Variants in HEATR5B observed in about 807,000 individuals in gnomAD.
HEATR5B encodes HEAT repeat containing 5B.
A neutral mutation model predicts 224.1 loss-of-function variants in HEATR5B; 156 were observed. The ratio of observed to expected loss-of-function variants is 0.70; its 90% confidence interval spans 0.61 to 0.80. The LOEUF is 0.80. HEATR5B is among the 30% of genes least tolerant of loss of function. The pLI is 0.00. For synonymous variants in HEATR5B, 1,027 were observed against 893.0 expected (o/e 1.15, Z -2.68); for missense variants, 2,323 against 2,535.5 (o/e 0.92, Z 1.80).
chr2:36,985,494 G>T, intron 35 of HEATR5B, among the ~76,000 whole-genome samples: 1 of 133,380 alleles, frequency 7.5e-6, no homozygotes, highest in African/African-American at 2.8e-5. Context: ...GTCTCACTCT[G>T]TTGCCCAGGC....
At chr2:36,999,570 T>A (rs1169915250) in intron 33 of HEATR5B, among the ~76,000 whole-genome samples, 1 of 151,792 alleles carries the variant, frequency 6.6e-6, no homozygotes, top group East Asian at 1.9e-4. Flanking sequence ...TCCCAGCTAC[T>A]TGGGAGGCTG....
chr2:37,072,597 T>C (rs1464828897), intron 5 of HEATR5B, among the ~76,000 whole-genome samples: 1 of 151,906 alleles, frequency 6.6e-6, no homozygotes, highest in African/African-American at 2.4e-5. Context: ...CTTAAAAAAC[T>C]AGATGAAGGA....
intron 26 of HEATR5B, among the ~76,000 whole-genome samples, chr2:37,014,758 C>G (rs1249801162): frequency 1.3e-5 from 2 of 150,788 alleles, no homozygotes; most frequent in Non-Finnish European, 2.9e-5. Flanking sequence ...GCAGGCGGAT[C>G]ACGAGGTCAG....
At position 37,079,345 on chromosome 2, in the gene HEATR5B, A is replaced by G; in HGVS notation, c.127-14T>C. ...CTTTACATCGGTCTGTTACAAAAAA[A>G]ATTTTTAAAAGAACATCATTAAAAA... On this transcript the variant is annotated splice_polypyrimidine_tract_variant and intron_variant, in intron 2 of 35. Transcript: ENST00000233099. 1 of 1,516,352 alleles carries G rather than the reference A, an allele frequency of 6.6e-7. No homozygotes were observed. Among genetic ancestry groups the G allele is most frequent in the Non-Finnish European group, 8.9e-7 (1 of 1,121,918 alleles). 93.9% of individuals were successfully genotyped at this position (1,516,352 alleles called of 1,614,324 possible).
chr2:37,060,505 T>C, intron 12 of HEATR5B, 76 bp downstream of exon 12: 5 of 1,263,206 alleles, frequency 4.0e-6, no homozygotes, highest in Non-Finnish European at 5.4e-6. Context: ...AACTATAAAA[T>C]AGTGATTTTT....
Position 36,988,662 on chromosome 2 carries a change from A to C in HEATR5B, c.5895T>G (p.Leu1965=). 6.2e-7 allele frequency: 1 copy of C among 1,613,592 alleles called. No individual in the cohort carries two copies. The highest frequency in any genetic ancestry group is 8.5e-7 in the Non-Finnish European group (1 of 1,179,574). The part of the protein sequence containing the change: ...GIKVLETLVA[L]GEEQNRVQLL... Reference sequence around the variant, plus strand: ...TATACTTACTGTTTTGTTCTTCACCAAGAGCAACCAGTGTTTCAAGAACTT... The same window carrying C: ...TATACTTACTGTTTTGTTCTTCACCCAGAGCAACCAGTGTTTCAAGAACTT... Residue 1965 remains leucine, a synonymous_variant, in exon 35 of 36, where the codon CTT becomes CTG. Transcript: ENST00000233099.
At position 37,083,300 on chromosome 2, in the gene HEATR5B, C is replaced by A; in HGVS notation, c.115G>T (p.Ala39Ser). 1 of 1,614,084 alleles carries A rather than the reference C, an allele frequency of 6.2e-7. No individual in the cohort carries two copies. Among genetic ancestry groups the A allele is most frequent in the South Asian group, 1.1e-5 (1 of 91,078 alleles). The change falls in exon 2 of 36, where the codon GCT (alanine) becomes TCT (serine). Residue 39 changes from alanine (A) to serine (S), a missense_variant. Coordinates refer to ENST00000233099, the MANE Select transcript of HEATR5B (RefSeq NM_019024.3). ...WLRFLDKVLV[A>S]ANKTDVKEKQ... is the part of the protein sequence containing the mutation. ...GAGCAATACCATACCTTGTTGGCAGCAACCAAGACTTTATCAAGAAATCGC... is the reference window on the plus strand; with the variant it reads ...GAGCAATACCATACCTTGTTGGCAGAAACCAAGACTTTATCAAGAAATCGC...
chr2:36,989,275 G>A (rs757184448), intron 34 of HEATR5B, among the ~76,000 whole-genome samples: 4 of 152,144 alleles, frequency 2.6e-5, no homozygotes, highest in Admixed American at 6.5e-5. Flanking sequence ...TAGTAGAGAC[G>A]GGGTTTCACC....
intron 8 of HEATR5B, among the ~76,000 whole-genome samples, chr2:37,066,760 G>A (rs371521662): frequency 2.0e-4 from 30 of 151,906 alleles, no homozygotes; most frequent in African/African-American, 7.0e-4. Flanking sequence ...TTAACATTAA[G>A]AACCTTTAAA....
At chr2:37,045,382 A>G (rs982622424) in intron 18 of HEATR5B, among the ~76,000 whole-genome samples, 2 of 152,122 alleles carry the variant, frequency 1.3e-5, no homozygotes, top group African/African-American at 4.8e-5. Flanking sequence ...TTCAGCTACT[A>G]CTAAGAATCA....
intron 33 of HEATR5B, among the ~76,000 whole-genome samples, chr2:36,996,865 T>A (rs948163236): frequency 6.6e-6 from 1 of 152,126 alleles, no homozygotes; most frequent in Non-Finnish European, 1.5e-5. Context: ...GTGCTGGGAT[T>A]ACAGGAGTGA....
chr2:37,072,704 T>G lies in HEATR5B; in HGVS notation c.598-423A>C, dbSNP rs191038428. 4.6e-5 allele frequency among the ~76,000 whole-genome samples: 7 copies of G among 152,152 alleles called. No homozygotes were observed. In the East Asian group the frequency reaches 1.4e-3, roughly 29 times the overall value. On this transcript the variant is annotated intron_variant, in intron 5 of 35. Transcript: ENST00000233099. ...GAATAGAAATGAAACCAAAGCTGCT[T>G]CTTTAAGAAGACTAATAAATTTGAT...
intron 34 of HEATR5B, among the ~76,000 whole-genome samples, chr2:36,989,600 G>T (rs1666182313): frequency 6.6e-6 from 1 of 152,090 alleles, no homozygotes; most frequent in Non-Finnish European, 1.5e-5. Flanking sequence ...TGTTAACAAT[G>T]TAAGGTTTCC....
At chr2:37,072,534 A>G (rs1020935203) in intron 5 of HEATR5B, among the ~76,000 whole-genome samples, 2 of 152,162 alleles carry the variant, frequency 1.3e-5, no homozygotes, top group African/African-American at 4.8e-5. Context: ...GTAACACTAA[A>G]CCACCACATT....
chr2:37,041,072 G>A, intron 19 of HEATR5B, 61 bp downstream of exon 19: 2 of 1,352,430 alleles, frequency 1.5e-6, no homozygotes. Flanking sequence ...ATTTCATAGA[G>A]CAAATAATTT....
chr2:37,075,754 T>C (rs1410311450), intron 4 of HEATR5B, 120 bp from the exon 5 acceptor site: 2 of 573,390 alleles, frequency 3.5e-6, no homozygotes, highest in Non-Finnish European at 5.9e-6. Flanking sequence ...AAACGGTAAA[T>C]AATGAAAAGT....
At chr2:37,006,549 G>A (rs1306516319) in intron 29 of HEATR5B, among the ~76,000 whole-genome samples, 1 of 152,234 alleles carries the variant, frequency 6.6e-6, no homozygotes, top group African/African-American at 2.4e-5. Context: ...GCTGAGGCAG[G>A]AGAATCGCTT....
intron 29 of HEATR5B, among the ~76,000 whole-genome samples, chr2:37,006,589 C>T (rs1012208733): frequency 6.6e-6 from 1 of 152,068 alleles, no homozygotes; most frequent in Non-Finnish European, 1.5e-5. Context: ...TGCGGTGAAC[C>T]GAGATTGCGC....
intron 24 of HEATR5B, among the ~76,000 whole-genome samples, chr2:37,022,068 C>T (rs1176163876): frequency 6.6e-6 from 1 of 151,816 alleles, no homozygotes; most frequent in East Asian, 1.9e-4. Context: ...GCTCCTGTTA[C>T]CTGTGTTTTT....
Sources: gnomAD v4.1 joint callset for allele counts (sites outside exome capture counted in the v4.1 genomes callset) on GRCh38, gnomAD v4.1.1 for gene constraint, MANE v1.5 for transcripts, NCBI Gene and HGNC (gene_info 2026-07-23, HGNC 2026-07-21) for gene names.